UTS2B: variants seen among roughly 807,000 people sequenced by gnomAD.
UTS2B encodes the protein urotensin-2B.
In UTS2B, 21 loss-of-function variants were observed where a neutral mutation model predicts 19.2. The observed-to-expected ratio is 1.09, with a 90% CI of 0.78 to 1.58. The LOEUF (loss-of-function observed/expected upper bound fraction) is 1.58. Among genes scored for constraint, UTS2B ranks in the 40% most tolerant of loss-of-function variants. The probability of loss-of-function intolerance (pLI) is 0.00; values close to 1 mark genes in which losing one functional copy is unlikely to be tolerated. For synonymous variants in UTS2B, 57 were observed against 50.2 expected (o/e 1.14, Z -0.58); for missense variants, 138 against 130.3 (o/e 1.06, Z -0.29).
chr3:191,310,959 C>A (rs746595200), intron 3 of UTS2B, among the ~76,000 whole-genome samples: 1 of 152,190 alleles, frequency 6.6e-6, no homozygotes, highest in Non-Finnish European at 1.5e-5. Context: ...GCAACTGGCA[C>A]TTTAAGTTGG....
chr3:191,324,805 T>C (rs1717702261), intron 2 of UTS2B, among the ~76,000 whole-genome samples: 1 of 152,074 alleles, frequency 6.6e-6, no homozygotes, highest in Admixed American at 6.5e-5. Flanking sequence ...TCACAGCACT[T>C]TGGGAGGCTG....
intron 4 of UTS2B, among the ~76,000 whole-genome samples, chr3:191,300,687 C>T (rs1716974728): frequency 6.6e-6 from 1 of 152,142 alleles, no homozygotes; most frequent in South Asian, 2.1e-4. Flanking sequence ...GAAGGTGGGG[C>T]CTGGTGGGAG....
rs146573796 is a variant in UTS2B, at chr3:191,287,325, C to A, written c.-124-5012G>T. On this transcript the variant is annotated intron_variant, in intron 4 of 8. Coordinates refer to ENST00000340524, the MANE Select transcript of UTS2B (RefSeq NM_198152.5). ...GAACAGAAAGCTACAAGCCAATATC[C>A]CTAACAAACATTGACACAAAAATCC... 2.2e-3 allele frequency among the ~76,000 whole-genome samples: 334 copies of A among 152,148 alleles called. 3 individuals carry two copies. Among genetic ancestry groups the A allele is most frequent in the African/African-American group, 7.8e-3 (322 of 41,534 alleles).
At chr3:191,342,570 G>A in the UTS2B span, among the ~76,000 whole-genome samples, 1 of 152,174 alleles carries the variant, frequency 6.6e-6, no homozygotes, top group Non-Finnish European at 1.5e-5. Flanking sequence ...AAGCTGGGCT[G>A]GAAGTGATCT....
the UTS2B span, among the ~76,000 whole-genome samples, chr3:191,343,908 GTGTCTGTGACTA>G: frequency 1.3e-5 from 2 of 152,184 alleles, no homozygotes; most frequent in Non-Finnish European, 2.9e-5. Flanking sequence ...TGTTCACTTT[GTGTCTGTGACTA>G]TATCTGCACA....
chr3:191,303,271 T>A (rs1162963937), intron 4 of UTS2B, among the ~76,000 whole-genome samples: 1 of 149,406 alleles, frequency 6.7e-6, no homozygotes, highest in Non-Finnish European at 1.5e-5. Context: ...ACTTGTGGTA[T>A]CTTTTCTCTT....
intron 4 of UTS2B, among the ~76,000 whole-genome samples, chr3:191,288,146 T>C (rs558285971): frequency 3.9e-5 from 6 of 152,170 alleles, no homozygotes; most frequent in Non-Finnish European, 5.9e-5. Context: ...AATGGAAAGA[T>C]AGCCTGCTTT....
At chr3:191,301,137 T>C (rs1716987480) in intron 4 of UTS2B, among the ~76,000 whole-genome samples, 1 of 152,184 alleles carries the variant, frequency 6.6e-6, no homozygotes, top group African/African-American at 2.4e-5. Flanking sequence ...TGTTCCTCTT[T>C]AGGTGGATTT....
intron 4 of UTS2B, among the ~76,000 whole-genome samples, chr3:191,287,097 AG>A (rs1156487216): frequency 6.6e-6 from 1 of 152,164 alleles, no homozygotes; most frequent in Non-Finnish European, 1.5e-5. Flanking sequence ...GTGAGTAAAG[AG>A]ATTGGATTGG....
At chr3:191,273,696 G>C in intron 8 of UTS2B, 1 of 347,024 alleles carries the variant, frequency 2.9e-6, no homozygotes, top group Non-Finnish European at 5.9e-6. Context: ...ATTCAGGAAA[G>C]GTCCAACAAA....
chr3:191,268,182 A>C lies in UTS2B; in HGVS notation c.*234T>G. The C allele has an allele frequency of 3.0e-6, 1 of 333,598 alleles. No homozygotes were observed. The highest frequency in any genetic ancestry group is 5.7e-6 in the Non-Finnish European group (1 of 175,544). The allele number at this position is 333,598 out of a possible 1,614,324, so 20.7% of individuals were successfully genotyped here. ...GGTGATATGAAACCTCCCTGACTGC[A>C]CGTCCATTCATAGGCTCTCTACAGG... On this transcript the variant is annotated 3_prime_UTR_variant, in exon 9 of 9. Coordinates refer to ENST00000340524, the MANE Select transcript of UTS2B (RefSeq NM_198152.5).
chr3:191,311,231 A>G (rs1717293372), intron 3 of UTS2B, among the ~76,000 whole-genome samples: 2 of 152,238 alleles, frequency 1.3e-5, no homozygotes, highest in Admixed American at 1.3e-4. Flanking sequence ...GAGTCTTTTA[A>G]TATCACCTAG....
intron 8 of UTS2B, among the ~76,000 whole-genome samples, chr3:191,270,687 A>G (rs1716068233): frequency 6.6e-6 from 1 of 152,128 alleles, no homozygotes; most frequent in Non-Finnish European, 1.5e-5. Flanking sequence ...AAGTTCACCA[A>G]ACAATCCTTG....
rs114710895 is a variant in UTS2B, at chr3:191,279,839, A to T, written c.104-1669T>A. ...TGATTTCTAAAGTAAGATATTGGCT[A>T]AAAAAAAGCAATAGAAAATGAGTCT... is the stretch of plus-strand genomic sequence containing the variant. On this transcript the variant is annotated intron_variant, in intron 5 of 8. Coordinates refer to ENST00000340524, the MANE Select transcript of UTS2B (RefSeq NM_198152.5). Among the ~76,000 whole-genome samples, 390 of 151,904 alleles carry T rather than the reference A, an allele frequency of 2.6e-3. 6 individuals carry two copies. The highest frequency in any genetic ancestry group is 8.5e-3 in the African/African-American group (353 of 41,492).
intron 6 of UTS2B, among the ~76,000 whole-genome samples, 157 bp downstream of exon 6, chr3:191,277,915 T>TAAATATAAATA (rs1716278963): frequency 6.6e-6 from 1 of 151,800 alleles, no homozygotes; most frequent in Admixed American, 6.6e-5. Flanking sequence ...GGATTTAACA[T>TAAATATAAATA]AAATATAAAA....
chr3:191,279,663 T>C (rs1324529384), intron 5 of UTS2B, among the ~76,000 whole-genome samples: 1 of 152,066 alleles, frequency 6.6e-6, no homozygotes, highest in Non-Finnish European at 1.5e-5. Flanking sequence ...ACAAAACTGA[T>C]AGATTTGCCT....
intron 4 of UTS2B, among the ~76,000 whole-genome samples, chr3:191,288,733 T>C (rs1055825662): frequency 2.0e-5 from 3 of 152,132 alleles, no homozygotes; most frequent in South Asian, 2.1e-4. Context: ...AGAGATTGCA[T>C]TGAAGCTGTA....
At chr3:191,314,966 AGTAAGT>A (rs1717406229) in intron 3 of UTS2B, among the ~76,000 whole-genome samples, 1 of 151,802 alleles carries the variant, frequency 6.6e-6, no homozygotes, top group African/African-American at 2.4e-5. Flanking sequence ...ATGATAAACT[AGTAAGT>A]GTAAGTTAGT....
chr3:191,317,763 A>T (rs570017726), intron 2 of UTS2B, among the ~76,000 whole-genome samples: 1 of 152,248 alleles, frequency 6.6e-6, no homozygotes, highest in Non-Finnish European at 1.5e-5. Context: ...TATTTTTAGT[A>T]GAGACGGTGT....
Sources: allele counts gnomAD v4.1 joint callset (sites outside exome capture counted in the v4.1 genomes callset), GRCh38; gene constraint gnomAD v4.1.1; transcripts MANE v1.5; gene names NCBI Gene and HGNC (gene_info 2026-07-23, HGNC 2026-07-21).